The following PAK5 variants were observed in gnomAD, a reference collection of about 807,000 sequenced individuals.
The protein encoded by PAK5 is serine/threonine-protein kinase PAK 5.
In PAK5, 16 loss-of-function variants were observed where a neutral mutation model predicts 65.9. The ratio of observed to expected loss-of-function variants is 0.24; its 90% CI spans 0.16 to 0.37. The LOEUF (loss-of-function observed/expected upper bound fraction) is 0.37. Ranked by LOEUF, PAK5 falls within the 10% of genes least tolerant of loss-of-function variation. The pLI is 1.00. For synonymous variants in PAK5, 371 were observed against 354.9 expected (o/e 1.05, Z -0.51); for missense variants, 785 against 903.9 (o/e 0.87, Z 1.69).
intron 1 of PAK5, among the ~76,000 whole-genome samples, chr20:9,808,990 T>C (rs1213843389): frequency 1.3e-5 from 2 of 152,190 alleles, no homozygotes; most frequent in Admixed American, 6.5e-5. Context: ...ATTAGTAATA[T>C]GCTATTTGTT....
chr20:9,834,671 G>C (rs1170495811), intron 1 of PAK5, among the ~76,000 whole-genome samples: 1 of 152,070 alleles, frequency 6.6e-6, no homozygotes, highest in African/African-American at 2.4e-5. Flanking sequence ...TGTGCTCCTA[G>C]TAAGTGTGGG....
chr20:9,610,703 C>T (rs570411122), intron 3 of PAK5, among the ~76,000 whole-genome samples: 7 of 152,274 alleles, frequency 4.6e-5, no homozygotes, highest in Admixed American at 1.3e-4. Flanking sequence ...GTCCCTCCCT[C>T]GGCATCTGTG....
intron 7 of PAK5, among the ~76,000 whole-genome samples, chr20:9,551,316 C>T (rs1488282752): frequency 6.6e-6 from 1 of 152,198 alleles, no homozygotes; most frequent in East Asian, 1.9e-4. Context: ...CTTCGTCTCA[C>T]TAATGCAGTT....
intron 1 of PAK5, among the ~76,000 whole-genome samples, chr20:9,814,375 C>G (rs1373734310): frequency 1.3e-5 from 2 of 151,998 alleles, no homozygotes; most frequent in Non-Finnish European, 2.9e-5. Context: ...ACATGAAGGG[C>G]TTAACACTGT....
intron 1 of PAK5, among the ~76,000 whole-genome samples, chr20:9,812,403 G>A (rs755420709): frequency 1.4e-4 from 21 of 152,036 alleles, no homozygotes; most frequent in Non-Finnish European, 2.5e-4. Flanking sequence ...TTAGTCATTG[G>A]GGAAATGTGA....
In PAK5 at chr20:9,617,243, T is replaced by G. The variant is rs775077685; in HGVS notation, c.204+26882A>C. 5.9e-5 allele frequency among the ~76,000 whole-genome samples: 9 copies of G among 152,204 alleles called. No individual in the cohort carries two copies. The South Asian group carries it at 6.2e-4, about 10-fold the overall frequency. ...GTACGAACTTTTCAGGGACACTAGGTGGCGCCCGTGTACTTTTCTTGAGAA... is the reference window on the plus strand; with the variant it reads ...GTACGAACTTTTCAGGGACACTAGGGGGCGCCCGTGTACTTTTCTTGAGAA... On this transcript the variant is annotated intron_variant, in intron 3 of 9. Transcript: ENST00000353224.
chr20:9,833,656 G>T (rs1325365736), intron 1 of PAK5, among the ~76,000 whole-genome samples: 2 of 151,998 alleles, frequency 1.3e-5, no homozygotes, highest in Non-Finnish European at 2.9e-5. Flanking sequence ...TTTATATGGT[G>T]ATTCTTCCAG....
chr20:9,665,678 G>A (rs1483697534), intron 2 of PAK5, among the ~76,000 whole-genome samples: 2 of 146,968 alleles, frequency 1.4e-5, no homozygotes, highest in African/African-American at 2.5e-5. Flanking sequence ...TTTTTTTTGA[G>A]ATGGGGTCTC....
At chr20:9,571,876 G>A (rs901872058) in intron 4 of PAK5, among the ~76,000 whole-genome samples, 2 of 141,728 alleles carry the variant, frequency 1.4e-5, no homozygotes, top group African/African-American at 2.6e-5. Context: ...ATGAATGATG[G>A]GGGGGGGGGA....
At chr20:9,550,657 T>A (rs1178439714) in intron 7 of PAK5, among the ~76,000 whole-genome samples, 2 of 152,118 alleles carry the variant, frequency 1.3e-5, no homozygotes, top group Non-Finnish European at 1.5e-5. Context: ...TAGATATTTT[T>A]AAAAAGAATC....
intron 1 of PAK5, among the ~76,000 whole-genome samples, chr20:9,790,164 A>G (rs1345554297): frequency 6.6e-6 from 1 of 152,128 alleles, no homozygotes; most frequent in Non-Finnish European, 1.5e-5. Context: ...GGGTCCTGCT[A>G]TTGTGTTTGA....
At chr20:9,561,723 T>A (rs1167480705) in intron 6 of PAK5, among the ~76,000 whole-genome samples, 1 of 152,228 alleles carries the variant, frequency 6.6e-6, no homozygotes, top group Non-Finnish European at 1.5e-5. Context: ...CAGGTACCAT[T>A]TCAATAACAT....
Position 9,769,303 on chromosome 20 carries a change from A to C in PAK5, c.-161-57868T>G, listed in dbSNP as rs559184007. 1.9e-4 allele frequency among the ~76,000 whole-genome samples: 29 copies of C among 152,310 alleles called. 2 individuals are homozygous for C. The highest frequency in any genetic ancestry group is 6.7e-4 in the African/African-American group (28 of 41,558). On this transcript the variant is annotated intron_variant, in intron 1 of 9. Transcript: ENST00000353224. Reference sequence around the variant, plus strand: ...TCTTCTCTCCTAATCAGTATAGCGAATATTATCTGTTAATTCTGCCCATGG... The same window carrying C: ...TCTTCTCTCCTAATCAGTATAGCGACTATTATCTGTTAATTCTGCCCATGG...
intron 1 of PAK5, among the ~76,000 whole-genome samples, chr20:9,836,223 A>G (rs1979137004): frequency 6.6e-6 from 1 of 152,194 alleles, no homozygotes; most frequent in Admixed American, 6.5e-5. Flanking sequence ...AACACAGTTC[A>G]TAGGGATGTT....
intron 2 of PAK5, among the ~76,000 whole-genome samples, chr20:9,684,501 T>C (rs576837354): frequency 3.3e-5 from 5 of 152,334 alleles, no homozygotes; most frequent in African/African-American, 7.2e-5. Flanking sequence ...AAAAAGCTAT[T>C]GATAACTTGC....
At chr20:9,647,296 T>A (rs6118679) in intron 2 of PAK5, among the ~76,000 whole-genome samples, 61,774 of 152,184 alleles carry the variant, frequency 0.41, 12,874 homozygotes, top group South Asian at 0.63. Context: ...TCTAAATTAT[T>A]TAGTGAGCAT....
chr20:9,762,055 A>T (rs2048706200), intron 1 of PAK5, among the ~76,000 whole-genome samples: 1 of 152,196 alleles, frequency 6.6e-6, no homozygotes, highest in Admixed American at 6.6e-5. Context: ...AAAACTGAAT[A>T]TTCACATGTA....
chr20:9,598,739 T>G (rs1029372495), intron 3 of PAK5, among the ~76,000 whole-genome samples: 1 of 152,266 alleles, frequency 6.6e-6, no homozygotes, highest in Non-Finnish European at 1.5e-5. Flanking sequence ...ATATGCTTGT[T>G]GGCCGCATAA....
intron 1 of PAK5, among the ~76,000 whole-genome samples, chr20:9,822,222 G>A (rs1366897144): frequency 6.7e-6 from 1 of 149,576 alleles, no homozygotes; most frequent in East Asian, 2.0e-4. Flanking sequence ...CCAGGAGGCA[G>A]AGGTTGCAGT....
Sources: gnomAD v4.1 joint callset for allele counts (sites outside exome capture counted in the v4.1 genomes callset) on GRCh38, gnomAD v4.1.1 for gene constraint, MANE v1.5 for transcripts, NCBI Gene and HGNC (gene_info 2026-07-23, HGNC 2026-07-21) for gene names.